FOXP1: variants seen among roughly 807,000 people sequenced by gnomAD.
FOXP1 encodes forkhead box P1, also known as forkhead box protein P1.
In FOXP1, 15 loss-of-function variants were observed where a neutral mutation model predicts 98.2. The observed-to-expected ratio is 0.15, with a 90% CI of 0.10 to 0.24. The LOEUF (loss-of-function observed/expected upper bound fraction) is 0.24. Ranked by LOEUF, FOXP1 falls within the 10% of genes least tolerant of loss-of-function variation. The pLI is 1.00. For synonymous variants in FOXP1, 371 were observed against 314.5 expected, an observed-to-expected ratio of 1.18 and a Z score of -1.90; for missense variants, 633 against 848.5, an observed-to-expected ratio of 0.75 and a Z score of 3.15.
At chr3:71,292,813 T>C (rs2072898173) in intron 5 of FOXP1, among the ~76,000 whole-genome samples, 1 of 152,216 alleles carries the variant, frequency 6.6e-6, no homozygotes, top group African/African-American at 2.4e-5. Context: ...TTTTCCTTTT[T>C]CTTCCCGACC....
At chr3:71,579,930 C>T (rs2048026647) in intron 2 of FOXP1, among the ~76,000 whole-genome samples, 1 of 152,032 alleles carries the variant, frequency 6.6e-6, no homozygotes, top group Non-Finnish European at 1.5e-5. Context: ...TCAAATGCTG[C>T]CCAGAGAGGG....
intron 2 of FOXP1, among the ~76,000 whole-genome samples, chr3:71,566,419 C>T (rs1253571592): frequency 6.6e-6 from 1 of 152,218 alleles, no homozygotes; most frequent in Non-Finnish European, 1.5e-5. Flanking sequence ...ATAATACAGA[C>T]AGACTACGTA....
Position 70,958,694 on chromosome 3 carries a change from C to T in FOXP1, c.*553G>A, listed in dbSNP as rs1440445411. 1 of 213,086 alleles carries T rather than the reference C, an allele frequency of 4.7e-6. No individual in the cohort carries two copies. The highest frequency in any genetic ancestry group is 9.2e-6 in the Non-Finnish European group (1 of 108,770). The allele number at this position is 213,086 out of a possible 1,614,324, so 13.2% of individuals were successfully genotyped here. A position where few individuals can be genotyped will look rare whatever the true frequency, so the allele number is the denominator to read the frequency against. The stretch of plus-strand genomic sequence containing the variant: ...TGGGATAATTATTTTTTAACCCCTC[C>T]CCCCAATACACACACAAAGGCCTTC... On this transcript the variant is annotated 3_prime_UTR_variant, in exon 21 of 21. Coordinates refer to ENST00000649528, the MANE Select transcript of FOXP1 (RefSeq NM_001349338.3).
Position 71,434,631 on chromosome 3 carries a change from G to GTTGTGT in FOXP1, c.-168+58794_-168+58795insACACAA, listed in dbSNP as rs376887775. On this transcript the variant is annotated intron_variant, in intron 3 of 20. Transcript: ENST00000649528. Reference sequence around the variant, plus strand: ...CACGGTGACCCTCATGAGGGGATGGGGTGTGTGTGTGTGTGTGTGTGTGTG... The same window carrying GTTGTGT: ...CACGGTGACCCTCATGAGGGGATGGGTTGTGTGTGTGTGTGTGTGTGTGTGTGTGTG... Among the ~76,000 whole-genome samples, 489 of 142,336 alleles carry GTTGTGT rather than the reference G, an allele frequency of 3.4e-3. 3 individuals carry two copies. Among genetic ancestry groups the GTTGTGT allele is most frequent in the African/African-American group, 0.012 (467 of 37,892 alleles). 93.4% of individuals were successfully genotyped at this position (142,336 alleles called of 152,430 possible).
In FOXP1 at chr3:70,956,423, T is replaced by C. The variant is rs997997689; in HGVS notation, c.*2824A>G. 4.3e-6 allele frequency: 1 copy of C among 230,624 alleles called. No individual in the cohort carries two copies. The highest frequency in any genetic ancestry group is 2.2e-5 in the African/African-American group (1 of 45,158). 14.3% of individuals were successfully genotyped at this position (230,624 alleles called of 1,614,324 possible). On this transcript the variant is annotated 3_prime_UTR_variant, in exon 21 of 21. Coordinates refer to ENST00000649528, the MANE Select transcript of FOXP1 (RefSeq NM_001349338.3). ...TGTAAAATCTAATTTTTCTTTTTTTTTTTTTTTTGCTACAGTCTTTAGACT... is the reference window on the plus strand; with the variant it reads ...TGTAAAATCTAATTTTTCTTTTTTTCTTTTTTTTGCTACAGTCTTTAGACT...
At chr3:71,370,780 C>A (rs1037967439) in intron 3 of FOXP1, among the ~76,000 whole-genome samples, 16 of 149,348 alleles carry the variant, frequency 1.1e-4, no homozygotes, top group Non-Finnish European at 2.1e-4. Flanking sequence ...AGGTCCCAAC[C>A]CTAGAGTTTT....
At chr3:71,218,041 G>A (rs2065074133) in intron 5 of FOXP1, among the ~76,000 whole-genome samples, 1 of 152,114 alleles carries the variant, frequency 6.6e-6, no homozygotes, top group Admixed American at 6.6e-5. Context: ...CCTCTTTGCT[G>A]AAACTGTCCC....
At chr3:71,504,326 G>A (rs765584792) in intron 2 of FOXP1, among the ~76,000 whole-genome samples, 6 of 152,084 alleles carry the variant, frequency 3.9e-5, no homozygotes, top group Non-Finnish European at 7.3e-5. Context: ...TTAATATGAC[G>A]TTGGCCAGTG....
At chr3:71,413,259 G>GAC (rs528319234) in intron 3 of FOXP1, among the ~76,000 whole-genome samples, 811 of 64,446 alleles carry the variant, frequency 0.013, 5 homozygotes, top group East Asian at 0.055. Context: ...CCCCCAAATA[G>GAC]ACACACACAC....
chr3:70,995,952 CTG>C (rs754309210), intron 13 of FOXP1, among the ~76,000 whole-genome samples: 5 of 152,138 alleles, frequency 3.3e-5, no homozygotes, highest in Non-Finnish European at 7.3e-5. Context: ...TCTATTGAAA[CTG>C]TGGTTTCGTA....
At chr3:71,536,223 A>C (rs1672037421) in intron 2 of FOXP1, among the ~76,000 whole-genome samples, 1 of 152,102 alleles carries the variant, frequency 6.6e-6, no homozygotes, top group South Asian at 2.1e-4. Context: ...GTTACTTATA[A>C]CCAAAGACAC....
intron 2 of FOXP1, among the ~76,000 whole-genome samples, chr3:71,548,494 C>A (rs1318064913): frequency 6.6e-6 from 1 of 152,106 alleles, no homozygotes; most frequent in Non-Finnish European, 1.5e-5. Flanking sequence ...CAACCTCAAC[C>A]GTCAGGACTC....
chr3:71,200,702 C>T (rs1241280423), intron 5 of FOXP1, among the ~76,000 whole-genome samples: 1 of 152,172 alleles, frequency 6.6e-6, no homozygotes, highest in Non-Finnish European at 1.5e-5. Flanking sequence ...AAATGTGTTC[C>T]AATTGTGGAA....
intron 5 of FOXP1, among the ~76,000 whole-genome samples, chr3:71,242,560 C>G (rs2067374484): frequency 1.3e-5 from 2 of 152,124 alleles, no homozygotes. Context: ...GTTTCCAAAC[C>G]TTTTTGTTAT....
At position 71,047,109 on chromosome 3, in the gene FOXP1, G is replaced by T; in HGVS notation, c.511-14C>A. On this transcript the variant is annotated splice_polypyrimidine_tract_variant and intron_variant, in intron 9 of 20. Coordinates refer to ENST00000649528, the MANE Select transcript of FOXP1 (RefSeq NM_001349338.3). The stretch of plus-strand genomic sequence containing the variant: ...CACCTGCTGTTGCTGTAAGAAATCA[G>T]GAAGAAAAAATGAGATGGCCACTTC... 1 of 1,613,790 alleles carries T rather than the reference G, an allele frequency of 6.2e-7. No homozygotes were observed. The highest frequency in any genetic ancestry group is 1.1e-5 in the South Asian group (1 of 91,070).
At chr3:71,424,174 T>C (rs1314273484) in intron 3 of FOXP1, among the ~76,000 whole-genome samples, 1 of 152,098 alleles carries the variant, frequency 6.6e-6, no homozygotes, top group African/African-American at 2.4e-5. Flanking sequence ...TGAAGGATGG[T>C]CCTTTAACCA....
At chr3:71,310,734 A>G (rs1279853379) in intron 4 of FOXP1, among the ~76,000 whole-genome samples, 1 of 152,210 alleles carries the variant, frequency 6.6e-6, no homozygotes, top group Non-Finnish European at 1.5e-5. Flanking sequence ...TCTGTAGGAC[A>G]CACACAGTGA....
chr3:71,372,695 C>A (rs1292198664), intron 3 of FOXP1, among the ~76,000 whole-genome samples: 1 of 152,158 alleles, frequency 6.6e-6, no homozygotes, highest in African/African-American at 2.4e-5. Context: ...TCTAAATATA[C>A]CATGCTATCC....
chr3:71,582,908 G>A (rs1412751412), intron 1 of FOXP1: 2 of 694,554 alleles, frequency 2.9e-6, no homozygotes, highest in Admixed American at 1.3e-4. Flanking sequence ...CCCAGGGCCA[G>A]GCACCACAGT....
Sources: allele counts gnomAD v4.1 joint callset (sites outside exome capture counted in the v4.1 genomes callset), GRCh38; gene constraint gnomAD v4.1.1; transcripts MANE v1.5; gene names NCBI Gene and HGNC (gene_info 2026-07-23, HGNC 2026-07-21).